COL27A1: variants seen among roughly 807,000 people sequenced by gnomAD.
COL27A1 encodes collagen alpha-1(XXVII) chain.
COL27A1 carries 106 observed loss-of-function variants against 251.3 expected under a neutral mutation model. The ratio of observed to expected loss-of-function variants is 0.42; its 90% CI spans 0.36 to 0.50. The LOEUF (loss-of-function observed/expected upper bound fraction) is 0.50. Among genes scored for constraint, COL27A1 ranks in the 20% least tolerant of loss-of-function variants. COL27A1 has a pLI of 0.00. For synonymous variants in COL27A1, 1,000 were observed against 986.3 expected, an observed-to-expected ratio of 1.01 and a Z score of -0.26; for missense variants, 2,325 against 2,522.8, an observed-to-expected ratio of 0.92 and a Z score of 1.68.
At chr9:114,225,177 G>C (rs1308715570) in intron 14 of COL27A1, among the ~76,000 whole-genome samples, 1 of 152,180 alleles carries the variant, frequency 6.6e-6, no homozygotes, top group Non-Finnish European at 1.5e-5. Context: ...TCGGCAAATG[G>C]GAAAACTGAG....
chr9:114,285,004 C>A (rs770920245), intron 41 of COL27A1, among the ~76,000 whole-genome samples: 1 of 152,226 alleles, frequency 6.6e-6, no homozygotes, highest in African/African-American at 2.4e-5. Context: ...GTACCCAGCG[C>A]TGGAACGAAA....
At position 114,265,119 on chromosome 9, in the gene COL27A1, C is replaced by T. The variant is rs950833420; in HGVS notation, c.3339+9C>T. 3.1e-6 allele frequency: 5 copies of T among 1,605,864 alleles called. No individual in the cohort carries two copies. Among genetic ancestry groups the T allele is most frequent in the African/African-American group, 1.4e-5 (1 of 73,416 alleles). ...GCTCGAGAGGCTTTCCTGTAAGTAG[C>T]ACCAGTTCTTGAAATTCTCTACATG... On this transcript the variant is annotated intron_variant, in intron 31 of 60. Coordinates refer to ENST00000356083, the MANE Select transcript of COL27A1 (RefSeq NM_032888.4).
intron 27 of COL27A1, among the ~76,000 whole-genome samples, chr9:114,254,392 G>A (rs1423051450): frequency 6.6e-6 from 1 of 151,966 alleles, no homozygotes; most frequent in Non-Finnish European, 1.5e-5. Context: ...GGGTGGGCTT[G>A]CTCTCATTTG....
intron 10 of COL27A1, among the ~76,000 whole-genome samples, chr9:114,208,454 A>G (rs1348710505): frequency 2.0e-5 from 3 of 152,026 alleles, no homozygotes; most frequent in African/African-American, 7.3e-5. Flanking sequence ...GTCTCAAAAA[A>G]TATATATAAA....
At chr9:114,164,416 T>A (rs2135040405) in intron 2 of COL27A1, among the ~76,000 whole-genome samples, 1 of 152,352 alleles carries the variant, frequency 6.6e-6, no homozygotes, top group East Asian at 1.9e-4. Flanking sequence ...GGCTTGAGAC[T>A]TTGCCCTTTA....
In COL27A1 at chr9:114,290,908, A is replaced by G. The variant is rs1198202225; in HGVS notation, c.4467A>G (p.Pro1489=). Residue 1489 remains proline, a synonymous_variant, in exon 48 of 61, where the codon CCA becomes CCG. Transcript: ENST00000356083. This position sits in a 1 kb window ranked among gnomAD's most constrained non-coding sequence, Gnocchi z 4.6. ...VAGLPGAQGP[P]GFKGESGLPG... ...GCTTACCTGGAGCACAGGGACCCCC[A>G]GGATTCAAGGTCAGATACCTCTTAA... 9.7e-6 allele frequency: 15 copies of G among 1,550,760 alleles called. No individual in the cohort carries two copies. The highest frequency in any genetic ancestry group is 1.4e-5 in the African/African-American group (1 of 73,050).
chr9:114,172,518 A>T (rs1436683713), intron 3 of COL27A1, among the ~76,000 whole-genome samples: 1 of 152,178 alleles, frequency 6.6e-6, no homozygotes, highest in East Asian at 1.9e-4. Flanking sequence ...ATAAAGCTGT[A>T]GTAGAGGCTG....
intron 17 of COL27A1, among the ~76,000 whole-genome samples, chr9:114,236,027 A>G (rs902485): frequency 0.13 from 20,079 of 151,730 alleles, 3,191 homozygotes; most frequent in African/African-American, 0.38. Context: ...TCTCTCTGAT[A>G]TTCTCCTGCT....
At chr9:114,160,676 A>T (rs1461689375) in intron 1 of COL27A1, among the ~76,000 whole-genome samples, 7 of 134,078 alleles carry the variant, frequency 5.2e-5, no homozygotes, top group African/African-American at 1.1e-4. Context: ...TGTCTCAAAA[A>T]AAAAAATGAA....
rs577178877 is a variant in COL27A1 at position 114,254,020 on chromosome 9, A to G, written c.3141+1088A>G. Among the ~76,000 whole-genome samples the G allele has an allele frequency of 2.6e-5, 4 of 152,078 alleles. No individual in the cohort carries two copies. The East Asian group carries it at 7.7e-4, about 29-fold the overall frequency. On this transcript the variant is annotated intron_variant, in intron 27 of 60. Transcript: ENST00000356083. The stretch of plus-strand genomic sequence containing the variant: ...GCCACCACACCCAGCTAATTTTTGT[A>G]TTTTTAGTAGAGATGGGGTTTTGGC...
chr9:114,283,014 G>C (rs1322303535), intron 39 of COL27A1, among the ~76,000 whole-genome samples: 1 of 152,232 alleles, frequency 6.6e-6, no homozygotes, highest in Non-Finnish European at 1.5e-5. Context: ...TGCTCTGAAG[G>C]AAGGGGCCCA....
rs1426873690 is a variant in COL27A1, at chr9:114,240,272, A to G, written c.2780A>G (p.Lys927Arg). 1.2e-5 allele frequency: 19 copies of G among 1,599,254 alleles called. No homozygotes were observed. Among genetic ancestry groups the G allele is most frequent in the African/African-American group, 5.4e-5 (4 of 74,702 alleles). Residue 927 changes from lysine (K) to arginine (R), a missense_variant and splice_region_variant, in exon 20 of 61, where the codon AAG becomes AGG. This residue lies in a region of COL27A1 where 662 missense variants were observed against 795.3 expected (regional missense o/e 0.83). Transcript: ENST00000356083. Reference protein sequence around the residue: ...PPGDNGPEGMKGKPGARGLPG... With the variant: ...PPGDNGPEGMRGKPGARGLPG... ...GGCGACAATGGCCCAGAAGGCATGA[A>G]GGTGAGTACCTGCCCAGGGCAGCTC...
chr9:114,202,673 A>G (rs1829659056), intron 7 of COL27A1, among the ~76,000 whole-genome samples: 1 of 152,022 alleles, frequency 6.6e-6, no homozygotes, highest in Non-Finnish European at 1.5e-5. Flanking sequence ...TTCCAGTCAT[A>G]CAGGCCTTCC....
At chr9:114,242,114 C>A in intron 21 of COL27A1, 73 bp from the exon 22 acceptor site, 1 of 1,341,584 alleles carries the variant, frequency 7.5e-7, no homozygotes, top group Non-Finnish European at 1.0e-6. Flanking sequence ...TCCCTCCATA[C>A]AGGACAAGAT....
intron 3 of COL27A1, among the ~76,000 whole-genome samples, chr9:114,169,848 G>A (rs964533271): frequency 8.5e-5 from 13 of 152,208 alleles, no homozygotes; most frequent in Non-Finnish European, 1.9e-4. Context: ...CCAAAGCCCC[G>A]TTCTCCCAGC....
chr9:114,300,043 C>T, intron 49 of COL27A1, 27 bp from the exon 50 acceptor site: 7 of 1,613,796 alleles, frequency 4.3e-6, no homozygotes, highest in Non-Finnish European at 5.9e-6. Context: ...AGCTCACTCG[C>T]TCCATCACTT....
At chr9:114,240,844 A>G (rs1023324215) in intron 21 of COL27A1, among the ~76,000 whole-genome samples, 3 of 152,172 alleles carry the variant, frequency 2.0e-5, no homozygotes, top group Admixed American at 2.0e-4. Flanking sequence ...CATTTTACAG[A>G]TGAGGCCACT....
In COL27A1 at chr9:114,311,548, G is replaced by GAAAAAAAAAAAAAAAAAAAAGAAA. The variant is rs56094843; in HGVS notation, c.*870_*871insAAAGAAAAAAAAAAAAAAAAAAAA. On this transcript the variant is annotated 3_prime_UTR_variant, in exon 61 of 61. Coordinates refer to ENST00000356083, the MANE Select transcript of COL27A1 (RefSeq NM_032888.4). The stretch of plus-strand genomic sequence containing the variant: ...AGGAGGAAAAAAGAAAAGAAAAAAG[G>GAAAAAAAAAAAAAAAAAAAAGAAA]AAAAAAAAAAAAAAAAAGCAAAACA... 1.0e-5 allele frequency: 1 copy of GAAAAAAAAAAAAAAAAAAAAGAAA among 96,222 alleles called. No homozygotes were observed. Among genetic ancestry groups the GAAAAAAAAAAAAAAAAAAAAGAAA allele is most frequent in the African/African-American group, 3.4e-5 (1 of 29,316 alleles). 6.0% of individuals were successfully genotyped at this position (96,222 alleles called of 1,614,324 possible).
At chr9:114,265,570 C>A in intron 32 of COL27A1, 95 bp downstream of exon 32, 1 of 1,248,090 alleles carries the variant, frequency 8.0e-7, no homozygotes, top group South Asian at 1.3e-5. Context: ...TGGAAAGGGA[C>A]CATGCCTGGC....
Sources: gnomAD v4.1 joint callset for allele counts (sites outside exome capture counted in the v4.1 genomes callset) on GRCh38, gnomAD v4.1.1 for gene constraint, gnomAD v4.1.1 regional missense constraint, Gnocchi (gnomAD v3.1) non-coding constraint, MANE v1.5 for transcripts, NCBI Gene and HGNC (gene_info 2026-07-23, HGNC 2026-07-21) for gene names.